The following FRMD6 variants were observed in gnomAD, a reference collection of about 807,000 sequenced individuals.
FRMD6 encodes FERM domain-containing protein 6.
In FRMD6, 37 loss-of-function variants were observed where a neutral mutation model predicts 73.2. The observed-to-expected ratio is 0.51, with a 90% CI of 0.39 to 0.66. The LOEUF is 0.66. Ranked by LOEUF, FRMD6 falls within the 30% of genes least tolerant of loss-of-function variation. FRMD6 has a pLI of 0.00. For synonymous variants in FRMD6, 273 were observed against 282.2 expected (o/e 0.97, Z 0.33); for missense variants, 714 against 780.5 (o/e 0.91, Z 1.02).
the FRMD6 span, among the ~76,000 whole-genome samples, chr14:51,475,235 G>A: frequency 6.6e-6 from 1 of 152,046 alleles, no homozygotes; most frequent in South Asian, 2.1e-4. Context: ...ATTTATTTGG[G>A]TACAAATTGA....
the FRMD6 span, among the ~76,000 whole-genome samples, chr14:51,463,364 T>C: frequency 1.3e-5 from 2 of 152,250 alleles, no homozygotes; most frequent in Admixed American, 6.5e-5. Flanking sequence ...AGATTACTTA[T>C]AATACCTACA....
chr14:51,712,782 A>C (rs1897016285), intron 9 of FRMD6, among the ~76,000 whole-genome samples: 1 of 152,226 alleles, frequency 6.6e-6, no homozygotes, highest in South Asian at 2.1e-4. Flanking sequence ...TCTTACAGTA[A>C]AGACTCTTAT....
chr14:51,539,127 C>T (rs934629155), intron 1 of FRMD6, among the ~76,000 whole-genome samples: 4 of 152,126 alleles, frequency 2.6e-5, no homozygotes, highest in Non-Finnish European at 4.4e-5. Flanking sequence ...TGAATTCCAC[C>T]GTTTTTGACC....
chr14:51,514,174 C>CA (rs1433058997), intron 1 of FRMD6, among the ~76,000 whole-genome samples: 37 of 152,152 alleles, frequency 2.4e-4, no homozygotes, highest in African/African-American at 8.2e-4. Flanking sequence ...CTAAATTGAC[C>CA]AACAGACTCT....
intron 2 of FRMD6, chr14:51,579,350 A>G (rs1157349729): frequency 6.6e-6 from 1 of 152,066 alleles, no homozygotes; most frequent in Non-Finnish European, 1.5e-5. Flanking sequence ...TTACCTCTCT[A>G]TCCTCACCTC....
chr14:51,695,896 A>G (rs1895912993), intron 2 of FRMD6, among the ~76,000 whole-genome samples: 1 of 152,124 alleles, frequency 6.6e-6, no homozygotes, highest in Admixed American at 6.6e-5. Context: ...TGAATTGTTT[A>G]CTTTCAAATT....
chr14:51,459,116 C>G, the FRMD6 span, among the ~76,000 whole-genome samples: 1 of 152,230 alleles, frequency 6.6e-6, no homozygotes, highest in Non-Finnish European at 1.5e-5. Context: ...TAGATTGACC[C>G]TTAGATCTAT....
At chr14:51,419,212 C>A in the FRMD6 span, among the ~76,000 whole-genome samples, 11 of 152,318 alleles carry the variant, frequency 7.2e-5, no homozygotes, top group South Asian at 2.3e-3. Context: ...CCCCGTGAGA[C>A]GAACCAGGTA....
the FRMD6 span, among the ~76,000 whole-genome samples, chr14:51,406,695 C>T: frequency 0.072 from 10,924 of 152,060 alleles, 425 homozygotes; most frequent in South Asian, 0.09. Flanking sequence ...TCCTCCACCC[C>T]AGCCTAATTA....
At chr14:51,502,934 A>G (rs1003694145) in intron 1 of FRMD6, among the ~76,000 whole-genome samples, 4 of 152,020 alleles carry the variant, frequency 2.6e-5, no homozygotes, top group Non-Finnish European at 5.9e-5. Flanking sequence ...CTGTATTCCT[A>G]GGTATTTTAT....
At chr14:51,534,328 T>G (rs191698559) in intron 1 of FRMD6, among the ~76,000 whole-genome samples, 164 of 152,340 alleles carry the variant, frequency 1.1e-3, no homozygotes, top group African/African-American at 3.6e-3. Flanking sequence ...TGGTAATGTG[T>G]GATGTAGTCA....
intron 2 of FRMD6, among the ~76,000 whole-genome samples, chr14:51,604,606 A>G (rs1890172065): frequency 6.6e-6 from 1 of 152,206 alleles, no homozygotes; most frequent in Non-Finnish European, 1.5e-5. Context: ...AGAGCTTAAG[A>G]GAATGGGAAG....
At chr14:51,725,056 G>C (rs1452465079) in intron 12 of FRMD6, among the ~76,000 whole-genome samples, 2 of 152,096 alleles carry the variant, frequency 1.3e-5, no homozygotes, top group African/African-American at 4.8e-5. Context: ...CTCCTCCCAG[G>C]GGGATCTGCT....
chr14:51,519,497 A>T (rs1884826210), intron 1 of FRMD6, among the ~76,000 whole-genome samples: 2 of 152,198 alleles, frequency 1.3e-5, no homozygotes, highest in Non-Finnish European at 2.9e-5. Flanking sequence ...AATATAGTTC[A>T]TCAGTGTTCT....
chr14:51,522,764 T>A (rs1490708325), intron 1 of FRMD6: 1 of 152,226 alleles, frequency 6.6e-6, no homozygotes, highest in Non-Finnish European at 1.5e-5. Context: ...AAATTAGATT[T>A]GGCCTAGAGG....
chr14:51,712,390 T>G, intron 8 of FRMD6, 93 bp from the exon 9 acceptor site: 1 of 730,582 alleles, frequency 1.4e-6, no homozygotes, highest in Non-Finnish European at 2.4e-6. Context: ...AGATTTTAAT[T>G]ACTGTATTTT....
the FRMD6 span, among the ~76,000 whole-genome samples, chr14:51,466,657 A>C: frequency 6.6e-6 from 1 of 152,208 alleles, no homozygotes; most frequent in Non-Finnish European, 1.5e-5. Flanking sequence ...CTGTAGCTTT[A>C]TAAATTTTAA....
At chr14:51,540,987 C>T (rs1886173154) in intron 1 of FRMD6, among the ~76,000 whole-genome samples, 1 of 151,970 alleles carries the variant, frequency 6.6e-6, no homozygotes, top group Non-Finnish European at 1.5e-5. Context: ...CAAGAAGTAC[C>T]CTCTCTTAAC....
intron 1 of FRMD6, among the ~76,000 whole-genome samples, chr14:51,511,414 A>C (rs1044268983): frequency 1.3e-5 from 2 of 152,254 alleles, no homozygotes; most frequent in Non-Finnish European, 2.9e-5. Flanking sequence ...GTATTAGGAT[A>C]ACCCATTTCA....
Sources: gnomAD v4.1 joint callset for allele counts (sites outside exome capture counted in the v4.1 genomes callset) on GRCh38, gnomAD v4.1.1 for gene constraint, MANE v1.5 for transcripts, NCBI Gene and HGNC (gene_info 2026-07-23, HGNC 2026-07-21) for gene names.